The following PCDH15 variants were observed in gnomAD, a reference collection of about 807,000 sequenced individuals.
PCDH15 encodes the protein protocadherin-15.
A neutral mutation model predicts 178.5 loss-of-function variants in PCDH15; 129 were observed. That is an observed-to-expected ratio of 0.72 (90% CI 0.63 to 0.84). The LOEUF (loss-of-function observed/expected upper bound fraction) is 0.84, where lower values mean the gene tolerates loss of function less well. PCDH15 is among the 40% of genes least tolerant of loss of function. The probability of loss-of-function intolerance (pLI) is 0.00; values close to 1 mark genes in which losing one functional copy is unlikely to be tolerated. For synonymous variants in PCDH15, 800 were observed against 732.0 expected (o/e 1.09, Z -1.50); for missense variants, 2,230 against 2,099.9 (o/e 1.06, Z -1.21).
intron 2 of PCDH15, among the ~76,000 whole-genome samples, chr10:54,583,997 A>G (rs1187514258): frequency 6.6e-6 from 1 of 152,172 alleles, no homozygotes; most frequent in East Asian, 1.9e-4. Flanking sequence ...TATTTAGTAT[A>G]TTAATAAAAA....
intron 3 of PCDH15, among the ~76,000 whole-genome samples, chr10:54,390,727 T>A (rs577579193): frequency 5.9e-5 from 9 of 152,200 alleles, no homozygotes; most frequent in Admixed American, 5.9e-4. Context: ...ATGAAAAGAA[T>A]TGACATTAGC....
chr10:55,063,595 TTGTA>T (rs1438441735), intron 2 of PCDH15, among the ~76,000 whole-genome samples: 3 of 152,152 alleles, frequency 2.0e-5, no homozygotes, highest in African/African-American at 7.2e-5. Flanking sequence ...GTGTGCATGT[TTGTA>T]TGTATTTCTG....
intron 2 of PCDH15, among the ~76,000 whole-genome samples, chr10:55,088,927 T>C (rs1342381783): frequency 6.6e-6 from 1 of 152,150 alleles, no homozygotes; most frequent in African/African-American, 2.4e-5. Context: ...AACATATATA[T>C]TTGAATTTGT....
intron 2 of PCDH15, among the ~76,000 whole-genome samples, chr10:54,662,841 A>C (rs6481115): frequency 0.1 from 15,630 of 151,988 alleles, 1,030 homozygotes; most frequent in African/African-American, 0.18. Context: ...ATTTAAAATG[A>C]GCTCTTGAAC....
intron 18 of PCDH15, among the ~76,000 whole-genome samples, chr10:54,055,970 T>C (rs2093877550): frequency 6.6e-6 from 1 of 152,196 alleles, no homozygotes; most frequent in South Asian, 2.1e-4. Flanking sequence ...TCTGATGACA[T>C]CAGGTTTATA....
At chr10:54,934,257 A>C (rs1434189963) in intron 2 of PCDH15, among the ~76,000 whole-genome samples, 1 of 152,120 alleles carries the variant, frequency 6.6e-6, no homozygotes, top group Non-Finnish European at 1.5e-5. Context: ...TCTTAAACTT[A>C]TCTCCAAATT....
chr10:55,313,096 ACTT>A (rs1222645692), intron 1 of PCDH15, among the ~76,000 whole-genome samples: 4 of 152,124 alleles, frequency 2.6e-5, no homozygotes, highest in Non-Finnish European at 5.9e-5. Context: ...TCCCCATAGA[ACTT>A]CTATTTTAGA....
rs898764366 is a variant in PCDH15, at chr10:54,824,872, T to A, written c.-29+72578A>T. Among the ~76,000 whole-genome samples, 91 of 152,124 alleles carry A rather than the reference T, an allele frequency of 6.0e-4. 1 individual carries two copies. Among genetic ancestry groups the A allele is most frequent in the Non-Finnish European group, 2.6e-4 (18 of 68,006 alleles). The stretch of plus-strand genomic sequence containing the variant: ...AAATAAATAAAAAGCCTACTTCTTT[T>A]ATTTTTTATTATTATTATACTTTAA... On this transcript the variant is annotated intron_variant, in intron 3 of 5. Transcript: ENST00000458638.
chr10:54,190,204 C>A (rs1055565703), intron 11 of PCDH15, among the ~76,000 whole-genome samples: 1 of 152,100 alleles, frequency 6.6e-6, no homozygotes, highest in Non-Finnish European at 1.5e-5. Flanking sequence ...TTGTCCCCTT[C>A]TTGGCATTTA....
intron 1 of PCDH15, among the ~76,000 whole-genome samples, chr10:55,197,677 C>T (rs1840131406): frequency 6.6e-6 from 1 of 152,088 alleles, no homozygotes; most frequent in Non-Finnish European, 1.5e-5. Context: ...TTATCATCCA[C>T]TTCTACACAT....
chr10:54,786,478 T>C (rs1307621653), intron 1 of PCDH15, among the ~76,000 whole-genome samples: 1 of 152,030 alleles, frequency 6.6e-6, no homozygotes, highest in East Asian at 1.9e-4. Flanking sequence ...CAAGTATCCA[T>C]GATAATGCTC....
intron 20 of PCDH15, among the ~76,000 whole-genome samples, chr10:54,003,628 G>A (rs1032774667): frequency 2.7e-5 from 4 of 149,626 alleles, no homozygotes; most frequent in African/African-American, 9.8e-5. Context: ...GTATCAAGCT[G>A]TAATGAAAAG....
chr10:54,053,532 G>T (rs1443215886), intron 18 of PCDH15, among the ~76,000 whole-genome samples: 2 of 152,058 alleles, frequency 1.3e-5, no homozygotes, highest in Non-Finnish European at 2.9e-5. Flanking sequence ...AACACCGAGG[G>T]TATAGGAAAG....
chr10:54,975,781 C>T (rs1273103679), intron 2 of PCDH15, among the ~76,000 whole-genome samples: 1 of 152,006 alleles, frequency 6.6e-6, no homozygotes, highest in Non-Finnish European at 1.5e-5. Flanking sequence ...CGGGAAAACA[C>T]TGTAGAATAG....
intron 8 of PCDH15, among the ~76,000 whole-genome samples, chr10:54,251,534 A>T (rs779115276): frequency 6.6e-6 from 1 of 152,202 alleles, no homozygotes; most frequent in African/African-American, 2.4e-5. Context: ...AGAGCATACT[A>T]TAAAATCGTA....
intron 3 of PCDH15, among the ~76,000 whole-genome samples, chr10:54,894,834 T>G (rs1421202827): frequency 1.3e-5 from 2 of 152,140 alleles, no homozygotes; most frequent in Non-Finnish European, 2.9e-5. Context: ...TGTTAAATAT[T>G]CTAAAACACT....
chr10:54,089,012 A>G (rs991642750), intron 16 of PCDH15, among the ~76,000 whole-genome samples: 1 of 152,230 alleles, frequency 6.6e-6, no homozygotes, highest in African/African-American at 2.4e-5. Context: ...GATAAAAATG[A>G]AAACAGTTAA....
chr10:54,689,189 C>T (rs1006572642), intron 1 of PCDH15, among the ~76,000 whole-genome samples: 44 of 151,772 alleles, frequency 2.9e-4, no homozygotes, highest in African/African-American at 1.0e-3. Context: ...TATATATGTC[C>T]ACATAGGTAG....
intron 2 of PCDH15, among the ~76,000 whole-genome samples, chr10:54,976,550 G>A (rs749197401): frequency 2.1e-4 from 32 of 152,146 alleles, no homozygotes; most frequent in Admixed American, 7.9e-4. Flanking sequence ...ACCTCTGGGT[G>A]GTGCCACAGA....
Sources: allele counts gnomAD v4.1 joint callset (sites outside exome capture counted in the v4.1 genomes callset), GRCh38; gene constraint gnomAD v4.1.1; transcripts MANE v1.5; gene names NCBI Gene and HGNC (gene_info 2026-07-23, HGNC 2026-07-21).